ARHGAP5: variants seen among roughly 807,000 people sequenced by gnomAD.
ARHGAP5 encodes rho GTPase-activating protein 5.
ARHGAP5 carries 23 observed loss-of-function variants against 116.6 expected under a neutral mutation model. The observed-to-expected ratio is 0.20, with a 90% confidence interval of 0.14 to 0.28. The LOEUF is 0.28. ARHGAP5 is among the 10% of genes least tolerant of loss of function. ARHGAP5 has a pLI of 1.00. For missense variants in ARHGAP5, 1,405 were observed against 1,774.8 expected (o/e 0.79, Z 3.74); for synonymous variants, 574 against 602.0 (o/e 0.95, Z 0.68).
chr14:32,129,243 T>C (rs778363572), intron 3 of ARHGAP5, among the ~76,000 whole-genome samples: 1 of 152,232 alleles, frequency 6.6e-6, no homozygotes, highest in African/African-American at 2.4e-5. Context: ...TGACATATTA[T>C]TGGCTACTTG....
chr14:32,095,901 A>G (rs1218995774), intron 2 of ARHGAP5, among the ~76,000 whole-genome samples: 1 of 152,170 alleles, frequency 6.6e-6, no homozygotes, highest in Non-Finnish European at 1.5e-5. Context: ...TTAAGAAAAA[A>G]CACAGCCTTT....
intron 4 of ARHGAP5, among the ~76,000 whole-genome samples, chr14:32,147,025 C>T (rs1022088270): frequency 6.6e-6 from 1 of 152,074 alleles, no homozygotes; most frequent in Non-Finnish European, 1.5e-5. Context: ...TGTATAAATC[C>T]ATCACCAGAT....
intron 1 of ARHGAP5, chr14:32,078,245 T>C (rs1445466474): frequency 1.3e-5 from 2 of 152,140 alleles, no homozygotes; most frequent in African/African-American, 4.8e-5. Context: ...TTATTAGAAA[T>C]GCAAGAGAGC....
chr14:32,089,702 C>T (rs901630938), intron 1 of ARHGAP5, among the ~76,000 whole-genome samples: 1 of 151,680 alleles, frequency 6.6e-6, no homozygotes, highest in Non-Finnish European at 1.5e-5. Flanking sequence ...GGAAGTATAT[C>T]CAGAAATTAA....
At chr14:32,099,478 CAGAA>C (rs1566664936) in intron 2 of ARHGAP5, among the ~76,000 whole-genome samples, 2 of 152,168 alleles carry the variant, frequency 1.3e-5, no homozygotes, top group South Asian at 2.1e-4. Flanking sequence ...AAACAGTAGA[CAGAA>C]AGAATAAACC....
rs976057154 is a variant in ARHGAP5 at position 32,077,578 on chromosome 14, G to C, written c.-169+143G>C. ...TGGGGCCCCGCGGCCGCCGAGGGGAGCCTGGCGCTGCGCTCGGTTTTCGCA... is the reference window on the plus strand; with the variant it reads ...TGGGGCCCCGCGGCCGCCGAGGGGACCCTGGCGCTGCGCTCGGTTTTCGCA... On this transcript the variant is annotated intron_variant, in intron 1 of 6. Transcript: ENST00000345122. 3 of 554,764 alleles carry C rather than the reference G, an allele frequency of 5.4e-6. No homozygotes were observed. The African/African-American group carries it at 6.1e-5, about 11-fold the overall frequency. The allele number at this position is 554,764 out of a possible 1,614,324, so 34.4% of individuals were successfully genotyped here. A position where few individuals can be genotyped will look rare whatever the true frequency, so the allele number is the denominator to read the frequency against.
chr14:32,112,005 G>A (rs1879333891), intron 2 of ARHGAP5, among the ~76,000 whole-genome samples: 1 of 151,862 alleles, frequency 6.6e-6, no homozygotes, highest in Non-Finnish European at 1.5e-5. Context: ...TTTTAGTAGA[G>A]GTGGTGTTTC....
At chr14:32,122,871 A>G (rs1031474034) in intron 3 of ARHGAP5, among the ~76,000 whole-genome samples, 3 of 152,170 alleles carry the variant, frequency 2.0e-5, no homozygotes, top group African/African-American at 4.8e-5. Context: ...CTGTCCATAC[A>G]TGATATTATC....
intron 4 of ARHGAP5, among the ~76,000 whole-genome samples, chr14:32,149,346 C>CA (rs1202637907): frequency 0.013 from 1,896 of 143,366 alleles, 35 homozygotes; most frequent in African/African-American, 0.045. Flanking sequence ...GCTGTATAAA[C>CA]AAAAAAAAAA....
At position 32,091,045 on chromosome 14, in the gene ARHGAP5, T is replaced by A; in HGVS notation, c.376T>A (p.Ser126Thr). The A allele has an allele frequency of 6.2e-7, 1 of 1,613,656 alleles. No homozygotes were observed. The highest frequency in any genetic ancestry group is 8.5e-7 in the Non-Finnish European group (1 of 1,179,662). The change falls in exon 2 of 7, where the codon TCA (serine) becomes ACA (threonine). Residue 126 changes from serine to threonine, a missense_variant. This residue lies in a region of ARHGAP5 where 190 missense variants were observed against 314.9 expected (regional missense o/e 0.60). Coordinates refer to ENST00000345122, the MANE Select transcript of ARHGAP5 (RefSeq NM_001030055.2). ...IKRAAASKLQ[S>T]AEKLMYICTD... Reference sequence around the variant, plus strand: ...ACGTGCAGCTGCATCTAAATTGCAGTCAGCAGAAAAACTAATGTACATTTG... The same window carrying A: ...ACGTGCAGCTGCATCTAAATTGCAGACAGCAGAAAAACTAATGTACATTTG...
At position 32,156,526 on chromosome 14, in the gene ARHGAP5, T is replaced by A. The variant is rs376437523; in HGVS notation, c.*1578T>A. 1 of 152,312 alleles carries A rather than the reference T, an allele frequency of 6.6e-6. No homozygotes were observed. Among genetic ancestry groups the A allele is most frequent in the Admixed American group, 6.6e-5 (1 of 15,258 alleles). The allele number at this position is 152,312 out of a possible 1,614,324, so 9.4% of individuals were successfully genotyped here. A position where few individuals can be genotyped will look rare whatever the true frequency, so the allele number is the denominator to read the frequency against. ...TGTTGAAGTACATGTATATTATAAA[T>A]TATCTTATTTGTGTTATACTCTTAC... On this transcript the variant is annotated 3_prime_UTR_variant, in exon 7 of 7. Coordinates refer to ENST00000345122, the MANE Select transcript of ARHGAP5 (RefSeq NM_001030055.2).
At chr14:32,105,344 A>G (rs1878962574) in intron 2 of ARHGAP5, among the ~76,000 whole-genome samples, 2 of 152,230 alleles carry the variant, frequency 1.3e-5, no homozygotes, top group Admixed American at 6.5e-5. Context: ...TTATTCTGCT[A>G]TAAAATGTGT....
intron 2 of ARHGAP5, among the ~76,000 whole-genome samples, chr14:32,101,337 G>T (rs1008648661): frequency 6.6e-6 from 1 of 152,036 alleles, no homozygotes; most frequent in African/African-American, 2.4e-5. Flanking sequence ...GAGTCACAAG[G>T]TATTAATCTG....
chr14:32,131,422 A>G (rs1175023615), intron 3 of ARHGAP5, among the ~76,000 whole-genome samples: 1 of 152,188 alleles, frequency 6.6e-6, no homozygotes, highest in African/African-American at 2.4e-5. Context: ...AGTAGTAAAT[A>G]CATTCACATT....
chr14:32,107,353 A>G (rs1879065447), intron 2 of ARHGAP5, among the ~76,000 whole-genome samples: 2 of 152,226 alleles, frequency 1.3e-5, no homozygotes, highest in Admixed American at 6.5e-5. Flanking sequence ...AGTAACTCCT[A>G]TAGGAATGAA....
intron 3 of ARHGAP5, among the ~76,000 whole-genome samples, chr14:32,118,159 A>G (rs1457894686): frequency 6.6e-6 from 1 of 152,176 alleles, no homozygotes; most frequent in Non-Finnish European, 1.5e-5. Context: ...TAAGTTGTAT[A>G]TATATTGAGT....
At chr14:32,125,092 C>T (rs990896133) in intron 3 of ARHGAP5, among the ~76,000 whole-genome samples, 1 of 152,102 alleles carries the variant, frequency 6.6e-6, no homozygotes, top group Non-Finnish European at 1.5e-5. Flanking sequence ...GTTGGATAAC[C>T]ACCACCTCAT....
intron 4 of ARHGAP5, among the ~76,000 whole-genome samples, chr14:32,146,566 A>T (rs1185087527): frequency 6.6e-6 from 1 of 152,178 alleles, no homozygotes; most frequent in Non-Finnish European, 1.5e-5. Flanking sequence ...GAAGTCACTG[A>T]TTACTTTTAG....
intron 1 of ARHGAP5, among the ~76,000 whole-genome samples, chr14:32,082,631 C>T (rs759136148): frequency 4.3e-4 from 65 of 152,144 alleles, no homozygotes; most frequent in Non-Finnish European, 2.2e-4. Context: ...AGTCCGCCTC[C>T]TGGGTTCAAG....
Sources: allele counts gnomAD v4.1 joint callset (sites outside exome capture counted in the v4.1 genomes callset), GRCh38; gene constraint gnomAD v4.1.1; regional missense constraint gnomAD v4.1.1; transcripts MANE v1.5; gene names NCBI Gene and HGNC (gene_info 2026-07-23, HGNC 2026-07-21).